NTRK3: variants seen among roughly 807,000 people sequenced by gnomAD.
NTRK3 encodes the protein neurotrophic receptor tyrosine kinase 3, also known as NT-3 growth factor receptor.
Under a neutral mutation model 91.7 loss-of-function variants are expected in NTRK3, and 24 were observed. That is an observed-to-expected ratio of 0.26 (90% CI 0.19 to 0.37). The LOEUF is 0.37. Among genes scored for constraint, NTRK3 ranks in the 10% least tolerant of loss-of-function variants. NTRK3 has a pLI of 1.00. For synonymous variants in NTRK3, 483 were observed against 404.0 expected, an observed-to-expected ratio of 1.20 and a Z score of -2.34; for missense variants, 880 against 1,068.9, an observed-to-expected ratio of 0.82 and a Z score of 2.46.
chr15:87,907,963 G>A (rs1264951250), intron 17 of NTRK3, among the ~76,000 whole-genome samples: 1 of 152,180 alleles, frequency 6.6e-6, no homozygotes, highest in East Asian at 1.9e-4. Flanking sequence ...CATCAGGTCT[G>A]TTAGACCACG....
Position 88,186,792 on chromosome 15 carries a change from C to G in NTRK3, c.249-2493G>C, listed in dbSNP as rs1175773682. Among the ~76,000 whole-genome samples, 4 of 152,258 alleles carry G rather than the reference C, an allele frequency of 2.6e-5. No individual in the cohort carries two copies. In the East Asian group the frequency reaches 7.7e-4, roughly 29 times the overall value. On this transcript the variant is annotated intron_variant, in intron 3 of 18. Transcript: ENST00000394480. ...GTTGCTACAGAGGCCATATGGCCTG[C>G]AAAACCTGAAATATTTACTCTCTGG...
At chr15:88,127,574 C>A (rs920536813) in intron 11 of NTRK3, among the ~76,000 whole-genome samples, 7 of 152,224 alleles carry the variant, frequency 4.6e-5, no homozygotes, top group African/African-American at 1.7e-4. Context: ...GTTTGGGATC[C>A]TGGCCAGGGT....
chr15:87,866,855 A>C (rs1258042669), exon 19 of NTRK3: 3 of 206,434 alleles, frequency 1.5e-5, no homozygotes. Context: ...TCTGTGTGTC[A>C]ATATTATAGT....
chr15:87,932,074 G>A (rs565609821), intron 16 of NTRK3, among the ~76,000 whole-genome samples: 1 of 152,296 alleles, frequency 6.6e-6, no homozygotes, highest in East Asian at 1.9e-4. Flanking sequence ...ATCTGCAGAA[G>A]GCAGAGGAGT....
chr15:88,192,629 C>T (rs2047502440), intron 3 of NTRK3, among the ~76,000 whole-genome samples: 1 of 152,168 alleles, frequency 6.6e-6, no homozygotes, highest in South Asian at 2.1e-4. Context: ...GGAAGCCACC[C>T]TCAAGGTCCT....
chr15:88,177,775 A>G (rs1465892891), intron 5 of NTRK3, among the ~76,000 whole-genome samples: 4 of 152,250 alleles, frequency 2.6e-5, no homozygotes, highest in Non-Finnish European at 4.4e-5. Flanking sequence ...TTAACTATCT[A>G]TGATTCTAAA....
At chr15:87,970,733 T>C (rs2073187509) in intron 14 of NTRK3, among the ~76,000 whole-genome samples, 1 of 152,130 alleles carries the variant, frequency 6.6e-6, no homozygotes, top group Non-Finnish European at 1.5e-5. Context: ...ATCATGAGAC[T>C]AAGGAGAAAC....
intron 13 of NTRK3, among the ~76,000 whole-genome samples, chr15:88,062,974 A>AG (rs1456615980): frequency 2.0e-5 from 3 of 152,320 alleles, no homozygotes; most frequent in Non-Finnish European, 4.4e-5. Flanking sequence ...TGTGGTGAGT[A>AG]GGGGGGCTTC....
intron 14 of NTRK3, among the ~76,000 whole-genome samples, chr15:87,969,545 T>A (rs1322241793): frequency 6.6e-6 from 1 of 152,194 alleles, no homozygotes; most frequent in Admixed American, 6.5e-5. Context: ...TAAACTATCA[T>A]GTGAAGCCAG....
At chr15:88,203,058 T>C (rs2048439211) in intron 3 of NTRK3, among the ~76,000 whole-genome samples, 1 of 152,052 alleles carries the variant, frequency 6.6e-6, no homozygotes, top group Non-Finnish European at 1.5e-5. Context: ...TTCTCTGGAG[T>C]GGGCCAAGTG....
intron 13 of NTRK3, among the ~76,000 whole-genome samples, chr15:88,045,452 T>G (rs1055149782): frequency 2.0e-5 from 3 of 152,198 alleles, no homozygotes; most frequent in African/African-American, 4.8e-5. Flanking sequence ...TGAATTTCAC[T>G]GCGTCCCTAT....
intron 3 of NTRK3, among the ~76,000 whole-genome samples, chr15:88,207,134 G>A (rs2048864159): frequency 6.6e-6 from 1 of 152,194 alleles, no homozygotes; most frequent in Non-Finnish European, 1.5e-5. Flanking sequence ...CCAGCCCTCG[G>A]GCCAGGAGCT....
chr15:88,092,701 G>A (rs762564120), intron 13 of NTRK3, among the ~76,000 whole-genome samples: 4 of 152,190 alleles, frequency 2.6e-5, no homozygotes, highest in Non-Finnish European at 5.9e-5. Flanking sequence ...ACTCCCTCTG[G>A]AGGCTCTGGG....
intron 14 of NTRK3, among the ~76,000 whole-genome samples, chr15:87,947,934 AC>A (rs1258316096): frequency 9.9e-5 from 15 of 152,098 alleles, no homozygotes; most frequent in Non-Finnish European, 2.1e-4. Flanking sequence ...CCAGCTTTGA[AC>A]CTTTGAGGGG....
At position 88,249,880 on chromosome 15, in the gene NTRK3, A is replaced by G. The variant is rs1451891768; in HGVS notation, c.248+6026T>C. Among the ~76,000 whole-genome samples the G allele has an allele frequency of 2.0e-5, 3 of 152,286 alleles. No individual in the cohort carries two copies. The East Asian group carries it at 5.8e-4, about 29-fold the overall frequency. On this transcript the variant is annotated intron_variant, in intron 3 of 18. Transcript: ENST00000394480. ...ATCTGAGTGACTGAGTCCAGCCTCT[A>G]TCTGGGCCACTCTTTGACCAGTTGC...
At chr15:87,996,384 A>G (rs2075706263) in intron 14 of NTRK3, among the ~76,000 whole-genome samples, 1 of 152,136 alleles carries the variant, frequency 6.6e-6, no homozygotes, top group African/African-American at 2.4e-5. Context: ...CACGTGATAC[A>G]TTAGGGCTGG....
chr15:88,164,205 C>G lies in NTRK3; in HGVS notation c.396-16802G>C, dbSNP rs60828364. On this transcript the variant is annotated intron_variant, in intron 5 of 18. Transcript: ENST00000394480. ...TTTGAATTTTCCCCACGGTCTTGGCCCCTTGCTGGACCCACACGGTGGTGG... is the reference window on the plus strand; with the variant it reads ...TTTGAATTTTCCCCACGGTCTTGGCGCCTTGCTGGACCCACACGGTGGTGG... Among the ~76,000 whole-genome samples, 43 of 152,314 alleles carry G rather than the reference C, an allele frequency of 2.8e-4. No individual in the cohort carries two copies. The East Asian group carries it at 7.5e-3, about 27-fold the overall frequency.
At chr15:88,225,788 C>T (rs1364346659) in intron 3 of NTRK3, among the ~76,000 whole-genome samples, 2 of 152,162 alleles carry the variant, frequency 1.3e-5, no homozygotes, top group South Asian at 2.1e-4. Context: ...GTACACCACA[C>T]CTCACGGCAG....
At chr15:88,249,311 C>T (rs1056096469) in intron 3 of NTRK3, among the ~76,000 whole-genome samples, 2 of 152,218 alleles carry the variant, frequency 1.3e-5, no homozygotes, top group Admixed American at 6.5e-5. Flanking sequence ...CTGCAAGCTG[C>T]AAAGAGCTCT....
Sources: gnomAD v4.1 joint callset for allele counts (sites outside exome capture counted in the v4.1 genomes callset) on GRCh38, gnomAD v4.1.1 for gene constraint, MANE v1.5 for transcripts, NCBI Gene and HGNC (gene_info 2026-07-23, HGNC 2026-07-21) for gene names.